Variants in EBF3 observed in about 807,000 individuals in gnomAD.
EBF3 encodes the protein transcription factor COE3.
EBF3 carries 18 observed loss-of-function variants against 77.1 expected under a neutral mutation model. The ratio of observed to expected loss-of-function variants is 0.23; its 90% CI spans 0.16 to 0.35. The LOEUF is 0.35. Ranked by LOEUF, EBF3 falls within the 10% of genes least tolerant of loss-of-function variation. The probability of loss-of-function intolerance (pLI) is 1.00; values close to 1 mark genes in which losing one functional copy is unlikely to be tolerated. For synonymous variants in EBF3, 350 were observed against 343.5 expected (o/e 1.02, Z -0.21); for missense variants, 558 against 860.0 (o/e 0.65, Z 4.39).
intron 6 of EBF3, among the ~76,000 whole-genome samples, chr10:129,895,222 C>T (rs1348465087): frequency 6.6e-6 from 1 of 152,222 alleles, no homozygotes; most frequent in East Asian, 1.9e-4. Flanking sequence ...TTCACTCAAC[C>T]ACTGCCTCAC....
At chr10:129,903,968 G>C (rs1365247209) in intron 6 of EBF3, among the ~76,000 whole-genome samples, 1 of 152,146 alleles carries the variant, frequency 6.6e-6, no homozygotes, top group African/African-American at 2.4e-5. Flanking sequence ...CGATTCCAAA[G>C]GGCTCCCTGG....
intron 6 of EBF3, among the ~76,000 whole-genome samples, chr10:129,955,585 T>C (rs918562265): frequency 6.6e-6 from 1 of 152,206 alleles, no homozygotes; most frequent in African/African-American, 2.4e-5. Flanking sequence ...GGGGAAAATA[T>C]TTCCCACCAT....
At chr10:129,852,868 C>T (rs930071736) in intron 10 of EBF3, among the ~76,000 whole-genome samples, 4 of 152,220 alleles carry the variant, frequency 2.6e-5, no homozygotes, top group Admixed American at 1.3e-4. Context: ...TGGGTCCCCA[C>T]CAGCTGTGGG....
At position 129,903,088 on chromosome 10, in the gene EBF3, T is replaced by G. The variant is rs1055241939; in HGVS notation, c.555-25239A>C. ...ACACAACGCAATTCTGTGGCTTCGA[T>G]GAAAGTCATACACACGTTTCACCTT... On this transcript the variant is annotated intron_variant, in intron 6 of 16. Transcript: ENST00000440978. Among the ~76,000 whole-genome samples the G allele has an allele frequency of 2.0e-5, 3 of 152,382 alleles. No homozygotes were observed. In the East Asian group the frequency reaches 5.8e-4, roughly 29 times the overall value.
At chr10:129,907,091 A>G (rs1173909676) in intron 6 of EBF3, among the ~76,000 whole-genome samples, 1 of 152,280 alleles carries the variant, frequency 6.6e-6, no homozygotes, top group Non-Finnish European at 1.5e-5. Flanking sequence ...CTGTGGAAAC[A>G]GCTAATGTAT....
At chr10:129,924,204 CAA>C (rs1397440825) in intron 6 of EBF3, among the ~76,000 whole-genome samples, 1 of 152,140 alleles carries the variant, frequency 6.6e-6, no homozygotes, top group Non-Finnish European at 1.5e-5. Context: ...CACCTGAGGT[CAA>C]GAGATCGAGA....
chr10:129,963,081 G>T lies in EBF3; in HGVS notation c.292-76C>A. 1.3e-6 allele frequency: 2 copies of T among 1,562,732 alleles called. No homozygotes were observed. The highest frequency in any genetic ancestry group is 1.7e-5 in the Admixed American group (1 of 59,912). ...GCCACCACGCTCGGTCCCCCTCCGCGACCGAGGCTCTCGGCCTCACACATG... is the reference window on the plus strand; with the variant it reads ...GCCACCACGCTCGGTCCCCCTCCGCTACCGAGGCTCTCGGCCTCACACATG... On this transcript the variant is annotated intron_variant, in intron 2 of 16. Coordinates refer to ENST00000440978, the MANE Select transcript of EBF3 (RefSeq NM_001375380.1). This position sits in a 1 kb window ranked among gnomAD's most constrained non-coding sequence, Gnocchi z 7.1.
intron 6 of EBF3, among the ~76,000 whole-genome samples, chr10:129,932,764 C>T (rs757385704): frequency 6.6e-6 from 1 of 152,186 alleles, no homozygotes; most frequent in Non-Finnish European, 1.5e-5. Flanking sequence ...GTGCACAACT[C>T]GCTGACAGAG....
At chr10:129,961,590 G>A (rs549546027) in intron 4 of EBF3, among the ~76,000 whole-genome samples, 31 of 152,304 alleles carry the variant, frequency 2.0e-4, no homozygotes, top group South Asian at 6.2e-4. Context: ...AGCAGTGGAC[G>A]GGTTGGAGTG....
At chr10:129,934,725 G>A (rs960102756) in intron 6 of EBF3, among the ~76,000 whole-genome samples, 4 of 152,096 alleles carry the variant, frequency 2.6e-5, no homozygotes, top group Admixed American at 1.3e-4. Flanking sequence ...GCAACTCCAT[G>A]GGCGCCAAAT....
Position 129,879,119 on chromosome 10 carries a change from T to G in EBF3, c.555-1270A>C, listed in dbSNP as rs1340506157. Among the ~76,000 whole-genome samples, 1 of 152,164 alleles carries G rather than the reference T, an allele frequency of 6.6e-6. No individual in the cohort carries two copies. The highest frequency in any genetic ancestry group is 1.9e-4 in the East Asian group (1 of 5,172). On this transcript the variant is annotated intron_variant, in intron 6 of 16. Coordinates refer to ENST00000440978, the MANE Select transcript of EBF3 (RefSeq NM_001375380.1). The surrounding 1 kb of genome is among the most constrained non-coding windows in gnomAD (Gnocchi z 4.7). The stretch of plus-strand genomic sequence containing the variant: ...ATGCTCAGTGACATTGCAGGAGAGC[T>G]GGCTTCCAGTCTGAACTCAAAGAAC...
Position 129,863,662 on chromosome 10 carries a change from G to A in EBF3, c.1039+3479C>T, listed in dbSNP as rs539904476. On this transcript the variant is annotated intron_variant, in intron 10 of 16. Transcript: ENST00000440978. The surrounding 1 kb of genome is among the most constrained non-coding windows in gnomAD (Gnocchi z 4.0). The stretch of plus-strand genomic sequence containing the variant: ...CAGACGCCCAGGGGACGGTGCCTAC[G>A]TCGTGACATGCAAAGGGGCTGGCTC... 3.0e-4 allele frequency among the ~76,000 whole-genome samples: 46 copies of A among 152,340 alleles called. No homozygotes were observed. The South Asian group carries it at 9.1e-3, about 30-fold the overall frequency.
intron 6 of EBF3, among the ~76,000 whole-genome samples, chr10:129,919,225 A>G (rs1290946075): frequency 1.3e-5 from 2 of 152,174 alleles, no homozygotes; most frequent in East Asian, 1.9e-4. Flanking sequence ...GACTCGGAAC[A>G]TATCACTGGA....
intron 10 of EBF3, among the ~76,000 whole-genome samples, chr10:129,853,460 A>G (rs945855088): frequency 6.6e-6 from 1 of 152,246 alleles, no homozygotes; most frequent in African/African-American, 2.4e-5. Context: ...TGCATTTGTC[A>G]TAACGCAGTA....
At chr10:129,894,408 G>A (rs1353994417) in intron 6 of EBF3, among the ~76,000 whole-genome samples, 2 of 152,218 alleles carry the variant, frequency 1.3e-5, no homozygotes, top group East Asian at 1.9e-4. Context: ...ACGACCAGAA[G>A]AGATGCCAAG....
chr10:129,901,272 C>T (rs1302196970), intron 6 of EBF3, among the ~76,000 whole-genome samples: 1 of 152,182 alleles, frequency 6.6e-6, no homozygotes, highest in Non-Finnish European at 1.5e-5. Context: ...TAAACTTACC[C>T]TGTTTATTTG....
chr10:129,856,214 C>T (rs935205053), intron 10 of EBF3, among the ~76,000 whole-genome samples: 3 of 152,120 alleles, frequency 2.0e-5, no homozygotes, highest in African/African-American at 7.2e-5. Context: ...CTGGCCAACA[C>T]AGAAGGTATC....
At chr10:129,901,331 G>T (rs1348894107) in intron 6 of EBF3, among the ~76,000 whole-genome samples, 1 of 152,162 alleles carries the variant, frequency 6.6e-6, no homozygotes, top group East Asian at 1.9e-4. Context: ...AATATTGATG[G>T]TAACTCACAG....
At chr10:129,932,895 CTTTTTTTT>C (rs35568967) in intron 6 of EBF3, among the ~76,000 whole-genome samples, 1 of 126,424 alleles carries the variant, frequency 7.9e-6, no homozygotes, top group East Asian at 2.3e-4. Context: ...CTTTTTTTTC[CTTTTTTTT>C]TTTTTTTTTT....
Sources: allele counts gnomAD v4.1 joint callset (sites outside exome capture counted in the v4.1 genomes callset), GRCh38; gene constraint gnomAD v4.1.1; non-coding constraint Gnocchi (gnomAD v3.1); transcripts MANE v1.5; gene names NCBI Gene and HGNC (gene_info 2026-07-23, HGNC 2026-07-21).